GPC6: variants seen among roughly 807,000 people sequenced by gnomAD.
GPC6 encodes the protein glypican 6.
GPC6 carries 14 observed loss-of-function variants against 55.2 expected under a neutral mutation model. That is an observed-to-expected ratio of 0.25 (90% CI 0.17 to 0.40). GPC6 has a LOEUF of 0.40. Ranked by LOEUF, GPC6 falls within the 10% of genes least tolerant of loss-of-function variation. The pLI is 1.00. For missense variants in GPC6, 641 were observed against 708.5 expected (o/e 0.90, Z 1.08); for synonymous variants, 278 against 259.6 (o/e 1.07, Z -0.68).
chr13:93,216,788 T>C, the GPC6 span, among the ~76,000 whole-genome samples: 4,933 of 152,268 alleles, frequency 0.032, 125 homozygotes, highest in East Asian at 0.1. Context: ...TGACTAAATC[T>C]ACCTGGAATT....
At chr13:93,289,207 A>G (rs1878236746) in intron 1 of GPC6, among the ~76,000 whole-genome samples, 2 of 152,168 alleles carry the variant, frequency 1.3e-5, no homozygotes, top group South Asian at 2.1e-4. Context: ...TTTAATGCAC[A>G]CCAGCAGGAG....
intron 1 of GPC6, among the ~76,000 whole-genome samples, chr13:93,364,232 T>G (rs1395043561): frequency 6.6e-6 from 1 of 152,144 alleles, no homozygotes; most frequent in Non-Finnish European, 1.5e-5. Flanking sequence ...TTAGTAAATA[T>G]AAGCAATAAA....
intron 6 of GPC6, among the ~76,000 whole-genome samples, chr13:94,367,818 C>G (rs1167223322): frequency 6.6e-6 from 1 of 150,768 alleles, no homozygotes; most frequent in Non-Finnish European, 1.5e-5. Context: ...CCTTCTTAGT[C>G]TTTCCTACAA....
intron 1 of GPC6, among the ~76,000 whole-genome samples, chr13:93,387,095 A>G (rs751745223): frequency 6.7e-6 from 1 of 149,708 alleles, no homozygotes; most frequent in South Asian, 2.1e-4. Flanking sequence ...AGAGAATACT[A>G]TTTCACACAC....
intron 2 of GPC6, among the ~76,000 whole-genome samples, chr13:93,703,495 A>G (rs934911190): frequency 1.3e-5 from 2 of 152,006 alleles, no homozygotes; most frequent in African/African-American, 4.8e-5. Flanking sequence ...GCTTGCCACA[A>G]ACCTTAACTA....
At chr13:93,487,245 G>A (rs556266978) in intron 1 of GPC6, among the ~76,000 whole-genome samples, 2 of 152,058 alleles carry the variant, frequency 1.3e-5, no homozygotes, top group Non-Finnish European at 2.9e-5. Flanking sequence ...TTTATTTTAA[G>A]TTCAGGGATA....
At chr13:93,706,363 A>G (rs1357616302) in intron 2 of GPC6, among the ~76,000 whole-genome samples, 1 of 151,938 alleles carries the variant, frequency 6.6e-6, no homozygotes. Flanking sequence ...TCAGATTAAA[A>G]GTCTTCTATT....
At chr13:93,960,725 T>G (rs1594622492) in intron 3 of GPC6, among the ~76,000 whole-genome samples, 1 of 152,126 alleles carries the variant, frequency 6.6e-6, no homozygotes, top group Non-Finnish European at 1.5e-5. Flanking sequence ...TAGGTCTCTG[T>G]GATGCTGAAG....
chr13:94,269,222 T>C (rs747701447), intron 4 of GPC6, among the ~76,000 whole-genome samples: 3 of 152,174 alleles, frequency 2.0e-5, no homozygotes, highest in Non-Finnish European at 2.9e-5. Context: ...AGCCTATATA[T>C]ATCTATACCT....
At chr13:93,235,028 C>A (rs374876308) in intron 1 of GPC6, among the ~76,000 whole-genome samples, 138 of 152,184 alleles carry the variant, frequency 9.1e-4, no homozygotes, top group South Asian at 8.1e-3. Flanking sequence ...AAAAAAACTT[C>A]AAATTTTTTA....
At chr13:93,415,824 A>G (rs955640126) in intron 1 of GPC6, among the ~76,000 whole-genome samples, 8 of 151,938 alleles carry the variant, frequency 5.3e-5, no homozygotes, top group African/African-American at 1.7e-4. Flanking sequence ...CAACTTTTCT[A>G]TTGGTACGTG....
intron 2 of GPC6, among the ~76,000 whole-genome samples, chr13:93,649,138 A>G (rs950556649): frequency 6.6e-5 from 10 of 152,116 alleles, no homozygotes; most frequent in African/African-American, 2.4e-4. Flanking sequence ...CAGCCATTTC[A>G]TTTGGTTCAA....
chr13:93,722,210 C>G (rs1883478569), intron 2 of GPC6, among the ~76,000 whole-genome samples: 1 of 151,598 alleles, frequency 6.6e-6, no homozygotes, highest in Non-Finnish European at 1.5e-5. Context: ...TTTCATTAAT[C>G]ATGCCTGAAT....
intron 1 of GPC6, among the ~76,000 whole-genome samples, chr13:93,447,682 T>C (rs1878058582): frequency 6.6e-6 from 1 of 152,212 alleles, no homozygotes; most frequent in African/African-American, 2.4e-5. Flanking sequence ...TAAACTAAAT[T>C]ATCAGTCCTT....
intron 4 of GPC6, among the ~76,000 whole-genome samples, chr13:94,251,617 C>T (rs549768447): frequency 7.2e-5 from 11 of 151,754 alleles, no homozygotes; most frequent in South Asian, 6.2e-4. Context: ...TTAAGGGTGC[C>T]GTTGTCACGT....
At chr13:93,762,646 T>C (rs947803179) in intron 2 of GPC6, among the ~76,000 whole-genome samples, 1 of 152,200 alleles carries the variant, frequency 6.6e-6, no homozygotes, top group Non-Finnish European at 1.5e-5. Context: ...GACTTGGCTG[T>C]CACCTTTAAG....
chr13:94,091,142 A>G (rs1315696239), intron 4 of GPC6, among the ~76,000 whole-genome samples: 1 of 152,192 alleles, frequency 6.6e-6, no homozygotes, highest in Non-Finnish European at 1.5e-5. Context: ...AAATATAGAA[A>G]TGTTTTATCA....
intron 2 of GPC6, among the ~76,000 whole-genome samples, chr13:93,591,153 G>GTAAA (rs1877449662): frequency 1.9e-5 from 1 of 51,482 alleles, no homozygotes; most frequent in African/African-American, 1.9e-4. Context: ...TTCTAATAAA[G>GTAAA]CAAAAGAAAA....
At chr13:93,788,696 A>C (rs1005103532) in intron 2 of GPC6, among the ~76,000 whole-genome samples, 2 of 152,182 alleles carry the variant, frequency 1.3e-5, no homozygotes, top group South Asian at 2.1e-4. Flanking sequence ...TCAGTGACTA[A>C]GACAGAGAGG....
Sources: gnomAD v4.1 joint callset for allele counts (sites outside exome capture counted in the v4.1 genomes callset) on GRCh38, gnomAD v4.1.1 for gene constraint, MANE v1.5 for transcripts, NCBI Gene and HGNC (gene_info 2026-07-23, HGNC 2026-07-21) for gene names.